The following TANC2 variants were observed in gnomAD, a reference collection of about 807,000 sequenced individuals.
The protein encoded by TANC2 is protein TANC2.
Under a neutral mutation model 210.5 loss-of-function variants are expected in TANC2, and 26 were observed. The observed-to-expected ratio is 0.12, with a 90% CI of 0.09 to 0.17. The LOEUF (loss-of-function observed/expected upper bound fraction) is 0.17. Ranked by LOEUF, TANC2 falls within the 10% of genes least tolerant of loss-of-function variation. The pLI, the probability that TANC2 is intolerant of heterozygous loss-of-function variation, is 1.00. For missense variants in TANC2, 2,129 were observed against 2,608.9 expected, an observed-to-expected ratio of 0.82 and a Z score of 4.01; for synonymous variants, 931 against 967.1, an observed-to-expected ratio of 0.96 and a Z score of 0.69.
chr17:63,146,778 C>T (rs2039475631), intron 4 of TANC2, among the ~76,000 whole-genome samples: 1 of 152,270 alleles, frequency 6.6e-6, no homozygotes, highest in South Asian at 2.1e-4. Flanking sequence ...TTCCAGCATA[C>T]AGAGGAACCT....
intron 7 of TANC2, among the ~76,000 whole-genome samples, chr17:63,220,939 A>G (rs2042170990): frequency 6.6e-6 from 1 of 151,794 alleles, no homozygotes; most frequent in Non-Finnish European, 1.5e-5. Flanking sequence ...TACCCCACAT[A>G]CAAAAATTCA....
chr17:63,231,661 G>T (rs983982664), intron 7 of TANC2, among the ~76,000 whole-genome samples: 1 of 152,072 alleles, frequency 6.6e-6, no homozygotes, highest in Non-Finnish European at 1.5e-5. Context: ...TTTATAGGTG[G>T]CCTGGCCTTT....
intron 9 of TANC2, among the ~76,000 whole-genome samples, chr17:63,274,439 C>T (rs751290650): frequency 3.3e-5 from 5 of 152,088 alleles, no homozygotes; most frequent in Non-Finnish European, 5.9e-5. Flanking sequence ...CTACTACAAG[C>T]GCCTTTTCTA....
intron 21 of TANC2, among the ~76,000 whole-genome samples, chr17:63,406,523 A>G (rs1399657690): frequency 6.6e-6 from 1 of 152,246 alleles, no homozygotes; most frequent in African/African-American, 2.4e-5. Context: ...TCAGATCAGT[A>G]GTCTCCAAAC....
chr17:63,248,454 A>C (rs915069113), intron 8 of TANC2, among the ~76,000 whole-genome samples: 1 of 152,136 alleles, frequency 6.6e-6, no homozygotes, highest in Non-Finnish European at 1.5e-5. Flanking sequence ...TCTTTTTTAA[A>C]CTTAATTTCT....
rs2048726283 is a variant in TANC2 at position 63,412,228 on chromosome 17, T to C, written c.3898+98T>C. On this transcript the variant is annotated intron_variant, in intron 23 of 27. Transcript: ENST00000689528. The surrounding 1 kb of genome is among the most constrained non-coding windows in gnomAD (Gnocchi z 4.2). ...GGTATTTGGTGTGAGTGTATATAGT[T>C]CCCCCTCCTCCCTGGCCCAATTATT... is the stretch of plus-strand genomic sequence containing the variant. 7 of 1,504,266 alleles carry C rather than the reference T, an allele frequency of 4.7e-6. No homozygotes were observed. The highest frequency in any genetic ancestry group is 1.4e-5 in the African/African-American group (1 of 72,374). The allele number at this position is 1,504,266 out of a possible 1,614,324, so 93.2% of individuals were successfully genotyped here. A position where few individuals can be genotyped will look rare whatever the true frequency, so the allele number is the denominator to read the frequency against.
intron 17 of TANC2, chr17:63,389,898 G>A (rs1323372669): frequency 1.3e-5 from 4 of 299,650 alleles, no homozygotes; most frequent in Non-Finnish European, 2.6e-5. Flanking sequence ...TGGCAGGTCT[G>A]GACCAAATGA....
At chr17:63,371,701 T>C (rs1467491652) in intron 14 of TANC2, among the ~76,000 whole-genome samples, 1 of 152,148 alleles carries the variant, frequency 6.6e-6, no homozygotes, top group Non-Finnish European at 1.5e-5. Context: ...TGAAAACCTA[T>C]TAGAAAAACA....
intron 9 of TANC2, among the ~76,000 whole-genome samples, chr17:63,269,839 C>T (rs753919661): frequency 1.3e-5 from 2 of 152,144 alleles, no homozygotes; most frequent in Non-Finnish European, 2.9e-5. Context: ...AACAAAAGCA[C>T]ATTCAAAGAT....
chr17:63,342,169 A>C (rs182464180), intron 12 of TANC2, among the ~76,000 whole-genome samples: 10 of 152,088 alleles, frequency 6.6e-5, no homozygotes, highest in Non-Finnish European at 1.3e-4. Context: ...CCTTTTTCAA[A>C]ATATATATAT....
chr17:63,352,482 A>G (rs2046642509), intron 13 of TANC2, among the ~76,000 whole-genome samples: 1 of 152,170 alleles, frequency 6.6e-6, no homozygotes. Context: ...ACTAAAAATT[A>G]TATAACCTAT....
rs555325517 is a variant in TANC2 at position 63,215,123 on chromosome 17, A to G, written c.769+14166A>G. 8.5e-5 allele frequency among the ~76,000 whole-genome samples: 13 copies of G among 152,332 alleles called. No individual in the cohort carries two copies. The South Asian group carries it at 2.3e-3, about 27-fold the overall frequency. On this transcript the variant is annotated intron_variant, in intron 7 of 27. Coordinates refer to ENST00000689528, the Ensembl canonical transcript of TANC2. The stretch of plus-strand genomic sequence containing the variant: ...ATGATCTACAATTGAAAGTCGTTTC[A>G]TAATGATGAATGGATCAGTTTATCA...
chr17:63,187,595 A>T (rs1360135092), intron 5 of TANC2, among the ~76,000 whole-genome samples: 2 of 152,116 alleles, frequency 1.3e-5, no homozygotes, highest in Non-Finnish European at 2.9e-5. Context: ...GTATATACAG[A>T]CACATACACA....
intron 1 of TANC2, among the ~76,000 whole-genome samples, chr17:62,970,231 C>T (rs1265138938): frequency 1.3e-5 from 2 of 152,122 alleles, no homozygotes; most frequent in Non-Finnish European, 2.9e-5. Flanking sequence ...TATGGGAATT[C>T]AATATAATCT....
chr17:63,332,751 A>G (rs1362580114), intron 11 of TANC2, among the ~76,000 whole-genome samples: 1 of 152,184 alleles, frequency 6.6e-6, no homozygotes, highest in Non-Finnish European at 1.5e-5. Flanking sequence ...GAGAGCCTCA[A>G]AAGACAGGCT....
At chr17:62,989,028 A>G (rs2032719129) in intron 1 of TANC2, among the ~76,000 whole-genome samples, 1 of 152,236 alleles carries the variant, frequency 6.6e-6, no homozygotes, top group African/African-American at 2.4e-5. Flanking sequence ...ATGTTTACTT[A>G]AACCTCTAAA....
chr17:63,199,598 G>A (rs113848099), intron 6 of TANC2, among the ~76,000 whole-genome samples: 5,886 of 148,254 alleles, frequency 0.04, 406 homozygotes, highest in African/African-American at 0.14. Context: ...CAGCCTGAAC[G>A]ACACAGTGAA....
chr17:63,015,352 T>C (rs984271273), intron 2 of TANC2, among the ~76,000 whole-genome samples: 3 of 152,106 alleles, frequency 2.0e-5, no homozygotes, highest in Admixed American at 2.0e-4. Flanking sequence ...AGTTCTAGGG[T>C]ACATGTGCAC....
intron 2 of TANC2, among the ~76,000 whole-genome samples, chr17:63,011,541 T>A (rs556272450): frequency 6.2e-4 from 94 of 152,332 alleles, no homozygotes; most frequent in African/African-American, 2.1e-3. Context: ...ATTGTGAATT[T>A]TTTTTATTTC....
Sources: gnomAD v4.1 joint callset for allele counts (sites outside exome capture counted in the v4.1 genomes callset) on GRCh38, gnomAD v4.1.1 for gene constraint, Gnocchi (gnomAD v3.1) non-coding constraint, MANE v1.5 for transcripts, NCBI Gene and HGNC (gene_info 2026-07-23, HGNC 2026-07-21) for gene names.